The following ZNF438 variants were observed in gnomAD, a reference collection of about 807,000 sequenced individuals.
ZNF438 encodes the protein zinc finger protein 438.
ZNF438 carries 25 observed loss-of-function variants against 38.0 expected under a neutral mutation model. The observed-to-expected ratio is 0.66, with a 90% CI of 0.48 to 0.92. The LOEUF (loss-of-function observed/expected upper bound fraction) is 0.92. Among genes scored for constraint, ZNF438 ranks in the 40% least tolerant of loss-of-function variants. The pLI is 0.00. For synonymous variants in ZNF438, 372 were observed against 364.1 expected (o/e 1.02, Z -0.25); for missense variants, 1,007 against 999.6 (o/e 1.01, Z -0.10).
At chr10:30,881,431 T>C (rs1587006) in intron 3 of ZNF438, among the ~76,000 whole-genome samples, 119,646 of 152,026 alleles carry the variant, frequency 0.79, 48,000 homozygotes, top group African/African-American at 0.91. Context: ...GCAAAGTATG[T>C]GAAAGACCTA....
chr10:31,025,839 AAATT>A, intron 1 of ZNF438, among the ~76,000 whole-genome samples: 1 of 152,236 alleles, frequency 6.6e-6, no homozygotes. Context: ...CTACTTATAT[AAATT>A]ATTTAAATAT....
At chr10:30,930,906 G>A (rs2045619209) in intron 2 of ZNF438, among the ~76,000 whole-genome samples, 1 of 144,844 alleles carries the variant, frequency 6.9e-6, no homozygotes, top group Non-Finnish European at 1.5e-5. Flanking sequence ...ATGGTTTGAA[G>A]TCAGGACAGT....
At chr10:30,914,249 T>C (rs2043364526) in intron 2 of ZNF438, among the ~76,000 whole-genome samples, 1 of 152,054 alleles carries the variant, frequency 6.6e-6, no homozygotes, top group Non-Finnish European at 1.5e-5. Context: ...TAAATAACAT[T>C]TTTAAAATGG....
At chr10:30,871,488 A>T (rs2037399524) in intron 4 of ZNF438, among the ~76,000 whole-genome samples, 1 of 152,204 alleles carries the variant, frequency 6.6e-6, no homozygotes, top group Non-Finnish European at 1.5e-5. Flanking sequence ...TTCATCAAGA[A>T]CTTTATAAAA....
chr10:30,900,170 G>A (rs1343835279), intron 3 of ZNF438, among the ~76,000 whole-genome samples: 3 of 151,952 alleles, frequency 2.0e-5, no homozygotes, highest in Admixed American at 6.6e-5. Flanking sequence ...AACTATGTAT[G>A]GATACTGAAA....
intron 1 of ZNF438, among the ~76,000 whole-genome samples, chr10:31,008,193 T>C (rs772646167): frequency 6.6e-6 from 1 of 152,212 alleles, no homozygotes; most frequent in Non-Finnish European, 1.5e-5. Flanking sequence ...TTAATGGCCT[T>C]ACAGTCAAAT....
At chr10:30,972,334 A>T (rs1463819144) in intron 1 of ZNF438, among the ~76,000 whole-genome samples, 1 of 152,194 alleles carries the variant, frequency 6.6e-6, no homozygotes, top group Non-Finnish European at 1.5e-5. Context: ...AAAATGTCTT[A>T]AGGAGTGCTA....
intron 5 of ZNF438, among the ~76,000 whole-genome samples, chr10:30,846,318 A>G: frequency 6.6e-6 from 1 of 152,218 alleles, no homozygotes; most frequent in East Asian, 1.9e-4. Flanking sequence ...TAGTCCTGAG[A>G]GTGTCAGGTT....
intron 2 of ZNF438, among the ~76,000 whole-genome samples, chr10:30,940,370 CAGAG>C (rs2046687342): frequency 1.3e-5 from 2 of 152,184 alleles, no homozygotes; most frequent in East Asian, 3.9e-4. Context: ...ATGACACTGG[CAGAG>C]AGAGAAAGAG....
At chr10:30,887,436 G>A (rs1191295517) in intron 3 of ZNF438, among the ~76,000 whole-genome samples, 1 of 151,906 alleles carries the variant, frequency 6.6e-6, no homozygotes, top group Non-Finnish European at 1.5e-5. Context: ...GCAGTGGTGA[G>A]GTCTCGGCTC....
intron 2 of ZNF438, among the ~76,000 whole-genome samples, chr10:30,924,315 C>T (rs967848539): frequency 1.3e-5 from 2 of 152,292 alleles, no homozygotes; most frequent in South Asian, 4.1e-4. Flanking sequence ...GTCTAAAATC[C>T]ATCTCCCTGA....
At chr10:30,971,804 A>G (rs763994983) in intron 1 of ZNF438, among the ~76,000 whole-genome samples, 2 of 152,128 alleles carry the variant, frequency 1.3e-5, no homozygotes, top group South Asian at 2.1e-4. Flanking sequence ...CAACAATTTT[A>G]TTAGGTTTTA....
chr10:30,915,855 C>A (rs1439206187), intron 2 of ZNF438, among the ~76,000 whole-genome samples: 1 of 151,922 alleles, frequency 6.6e-6, no homozygotes, highest in East Asian at 1.9e-4. Flanking sequence ...TCAGCTGAAC[C>A]AGCATTAGTG....
At chr10:30,950,512 A>G (rs532557789) in intron 1 of ZNF438, among the ~76,000 whole-genome samples, 1 of 152,094 alleles carries the variant, frequency 6.6e-6, no homozygotes, top group South Asian at 2.1e-4. Context: ...CAAGACTAAT[A>G]AAGAAAAAAA....
At chr10:30,998,540 C>CAAAAAAAAA (rs55838240) in intron 1 of ZNF438, among the ~76,000 whole-genome samples, 4 of 33,910 alleles carry the variant, frequency 1.2e-4, no homozygotes, top group Admixed American at 4.8e-4. Flanking sequence ...GAGACTGTCT[C>CAAAAAAAAA]AAAAAAAAAA....
intron 2 of ZNF438, among the ~76,000 whole-genome samples, chr10:30,930,109 G>A (rs968384817): frequency 9.2e-5 from 14 of 151,840 alleles, no homozygotes; most frequent in Admixed American, 5.9e-4. Context: ...AGCAGGGGGC[G>A]GTGCCCGTAG....
At chr10:30,845,355 C>T (rs1443973150) in exon 6 of ZNF438, 3 of 1,614,026 alleles carry the variant, frequency 1.9e-6, no homozygotes, top group East Asian at 2.2e-5. Flanking sequence ...CCAGTCGGGG[C>T]TAGCGTGCTG....
intron 1 of ZNF438, among the ~76,000 whole-genome samples, chr10:31,002,112 G>A (rs561378849): frequency 6.6e-5 from 10 of 152,282 alleles, no homozygotes; most frequent in African/African-American, 2.4e-4. Context: ...AAACACATAA[G>A]ACTGAATGGG....
exon 5 of ZNF438, chr10:30,848,659 A>G: frequency 6.2e-7 from 1 of 1,614,226 alleles, no homozygotes; most frequent in South Asian, 1.1e-5. Context: ...GATGGCCAAA[A>G]TAGACTCGGA....
Sources: allele counts gnomAD v4.1 joint callset (sites outside exome capture counted in the v4.1 genomes callset), GRCh38; gene constraint gnomAD v4.1.1; transcripts MANE v1.5; gene names NCBI Gene and HGNC (gene_info 2026-07-23, HGNC 2026-07-21).